The following KATNAL2 variants were observed in gnomAD, a reference collection of about 807,000 sequenced individuals.
KATNAL2 encodes the protein katanin catalytic subunit A1 like 2.
Under a neutral mutation model 76.3 loss-of-function variants are expected in KATNAL2, and 52 were observed. That is an observed-to-expected ratio of 0.68 (90% confidence interval 0.55 to 0.86). The LOEUF (loss-of-function observed/expected upper bound fraction) is 0.86, where lower values mean the gene tolerates loss of function less well. Ranked by LOEUF, KATNAL2 falls within the 40% of genes least tolerant of loss-of-function variation. The probability of loss-of-function intolerance (pLI) is 0.00; values close to 1 mark genes in which losing one functional copy is unlikely to be tolerated. For synonymous variants in KATNAL2, 243 were observed against 244.2 expected (o/e 1.00, Z 0.05); for missense variants, 660 against 668.9 (o/e 0.99, Z 0.15).
At chr18:47,042,965 C>T (rs1480796423) in intron 3 of KATNAL2, among the ~76,000 whole-genome samples, 2 of 152,124 alleles carry the variant, frequency 1.3e-5, no homozygotes, top group African/African-American at 4.8e-5. Flanking sequence ...CGGTGGCTCA[C>T]GCCTGTAATC....
intron 3 of KATNAL2, among the ~76,000 whole-genome samples, chr18:46,953,238 G>C (rs575892621): frequency 5.9e-5 from 9 of 152,134 alleles, no homozygotes; most frequent in South Asian, 4.2e-4. Context: ...CATTTTCTCT[G>C]TTTCCCCTTA....
intron 13 of KATNAL2, among the ~76,000 whole-genome samples, chr18:47,073,356 G>T (rs2062073174): frequency 6.6e-6 from 1 of 151,988 alleles, no homozygotes; most frequent in Non-Finnish European, 1.5e-5. Context: ...TTTTTATTTT[G>T]GATATTTTAA....
At chr18:46,930,975 C>T (rs146936037) in intron 1 of KATNAL2, among the ~76,000 whole-genome samples, 7,041 of 151,816 alleles carry the variant, frequency 0.046, 192 homozygotes, top group Non-Finnish European at 0.065. Context: ...TGGTGGCACA[C>T]GCCTGTAGTC....
chr18:46,948,410 C>A (rs1470420416), intron 3 of KATNAL2, among the ~76,000 whole-genome samples: 1 of 151,320 alleles, frequency 6.6e-6, no homozygotes, highest in Non-Finnish European at 1.5e-5. Flanking sequence ...ACATGCCTGG[C>A]CGACTTCTTC....
rs142931959 is a variant in KATNAL2 at position 47,095,755 on chromosome 18, T to C, written c.1212-3488T>C. Among the ~76,000 whole-genome samples, 60 of 152,362 alleles carry C rather than the reference T, an allele frequency of 3.9e-4. No homozygotes were observed. In the East Asian group the frequency reaches 9.4e-3, roughly 24 times the overall value. On this transcript the variant is annotated intron_variant, in intron 15 of 17. Coordinates refer to ENST00000683218, the MANE Select transcript of KATNAL2 (RefSeq NM_001387690.1). The stretch of plus-strand genomic sequence containing the variant: ...TGAACAACTGGTGTGGTGTGGGTGC[T>C]GACCAGTCAAGGGGAACAGCATCAT...
At chr18:46,959,142 T>C (rs192736286) in intron 3 of KATNAL2, among the ~76,000 whole-genome samples, 19 of 152,382 alleles carry the variant, frequency 1.2e-4, no homozygotes, top group African/African-American at 4.6e-4. Context: ...ACTTCAAATG[T>C]TCAAACATTT....
At chr18:46,952,417 T>C (rs2059589182) in intron 3 of KATNAL2, among the ~76,000 whole-genome samples, 1 of 132,204 alleles carries the variant, frequency 7.6e-6, no homozygotes, top group African/African-American at 2.9e-5. Context: ...TTTTTTTTTT[T>C]GAGATGGAGT....
intron 4 of KATNAL2, among the ~76,000 whole-genome samples, chr18:47,048,095 G>A (rs1162654457): frequency 1.3e-5 from 2 of 152,066 alleles, no homozygotes; most frequent in African/African-American, 4.8e-5. Flanking sequence ...GCATCTAGTG[G>A]GTATAGGCCA....
chr18:47,031,344 G>A (rs1386085957), intron 3 of KATNAL2, among the ~76,000 whole-genome samples: 1 of 151,928 alleles, frequency 6.6e-6, no homozygotes. Flanking sequence ...TATGTTTTCG[G>A]CTTTTGTTTC....
intron 1 of KATNAL2, among the ~76,000 whole-genome samples, chr18:46,931,310 A>C (rs1414838178): frequency 6.6e-6 from 1 of 151,216 alleles, no homozygotes; most frequent in Non-Finnish European, 1.5e-5. Flanking sequence ...AAAATAAAAA[A>C]AGAAATAAAT....
chr18:47,080,641 G>A (rs1012921303), intron 15 of KATNAL2, among the ~76,000 whole-genome samples: 11 of 152,304 alleles, frequency 7.2e-5, no homozygotes, highest in African/African-American at 2.6e-4. Context: ...CATTTCACAT[G>A]AAGCAAATTC....
intron 1 of KATNAL2, among the ~76,000 whole-genome samples, chr18:46,931,377 T>C (rs999095146): frequency 6.6e-6 from 1 of 150,876 alleles, no homozygotes; most frequent in Non-Finnish European, 1.5e-5. Flanking sequence ...AAAGGCAGGG[T>C]GTGGTGGCTC....
chr18:46,937,360 C>G (rs987930147), intron 1 of KATNAL2, among the ~76,000 whole-genome samples: 1 of 151,856 alleles, frequency 6.6e-6, no homozygotes, highest in African/African-American at 2.4e-5. Flanking sequence ...GACATAATAG[C>G]TAAATGTTTT....
At chr18:47,095,136 T>C (rs576059447) in intron 15 of KATNAL2, among the ~76,000 whole-genome samples, 1 of 152,346 alleles carries the variant, frequency 6.6e-6, no homozygotes, top group East Asian at 1.9e-4. Context: ...CTTCAATCAG[T>C]TCTCCAATTC....
intron 3 of KATNAL2, among the ~76,000 whole-genome samples, chr18:47,039,758 T>C (rs923031063): frequency 1.3e-5 from 2 of 152,204 alleles, no homozygotes; most frequent in African/African-American, 4.8e-5. Context: ...TAGTGAAGGA[T>C]AGAGAGACTC....
intron 14 of KATNAL2, chr18:47,076,137 T>C (rs1289626951): frequency 6.6e-6 from 1 of 152,232 alleles, no homozygotes; most frequent in Non-Finnish European, 1.5e-5. Flanking sequence ...TGACCTTTAA[T>C]GGACTATCAT....
chr18:46,955,293 C>T (rs1317799817), intron 3 of KATNAL2, among the ~76,000 whole-genome samples: 23 of 149,846 alleles, frequency 1.5e-4, no homozygotes, highest in Admixed American at 8.0e-4. Context: ...CTCAGCTCAC[C>T]GCAACTTCTG....
chr18:46,957,553 C>CCTTTTTT lies in KATNAL2; in HGVS notation c.51+10630_51+10631insCTTTTTT, dbSNP rs1161903395. Among the ~76,000 whole-genome samples the CCTTTTTT allele has an allele frequency of 6.6e-5, 4 of 60,512 alleles. 1 individual carries two copies. Among genetic ancestry groups the CCTTTTTT allele is most frequent in the South Asian group, 7.5e-4 (1 of 1,342 alleles). 39.7% of individuals were successfully genotyped at this position (60,512 alleles called of 152,430 possible). ...ACAGGCGTGAACCACCGCGCCTGGC[C>CCTTTTTT]TTTTTTTTTTTTTTTTTTTTTTTTT... On this transcript the variant is annotated intron_variant, in intron 3 of 17. Coordinates refer to ENST00000683218, the MANE Select transcript of KATNAL2 (RefSeq NM_001387690.1).
At chr18:46,953,354 T>C (rs967371563) in intron 3 of KATNAL2, among the ~76,000 whole-genome samples, 1 of 152,214 alleles carries the variant, frequency 6.6e-6, no homozygotes, top group Non-Finnish European at 1.5e-5. Flanking sequence ...GAATGAGTCA[T>C]CTAGGCTGGG....
Sources: allele counts gnomAD v4.1 joint callset (sites outside exome capture counted in the v4.1 genomes callset), GRCh38; gene constraint gnomAD v4.1.1; transcripts MANE v1.5; gene names NCBI Gene and HGNC (gene_info 2026-07-23, HGNC 2026-07-21).